Variants in CACNA2D1 observed in about 807,000 individuals in gnomAD.
The protein encoded by CACNA2D1 is voltage-dependent calcium channel subunit alpha-2/delta-1.
CACNA2D1 carries 53 observed loss-of-function variants against 171.5 expected under a neutral mutation model. The observed-to-expected ratio is 0.31, with a 90% CI of 0.25 to 0.39. The LOEUF is 0.39. Among genes scored for constraint, CACNA2D1 ranks in the 10% least tolerant of loss-of-function variants. The pLI is 1.00. For synonymous variants in CACNA2D1, 442 were observed against 443.1 expected, an observed-to-expected ratio of 1.00 and a Z score of 0.03; for missense variants, 903 against 1,299.8, an observed-to-expected ratio of 0.69 and a Z score of 4.69.
intron 1 of CACNA2D1, among the ~76,000 whole-genome samples, chr7:82,386,086 T>C (rs1824328428): frequency 6.6e-6 from 1 of 152,218 alleles, no homozygotes; most frequent in Admixed American, 6.5e-5. Context: ...TTTTGGTTCT[T>C]GGAATGACTA....
chr7:82,037,134 A>T (rs1803373909), intron 11 of CACNA2D1, among the ~76,000 whole-genome samples: 1 of 152,186 alleles, frequency 6.6e-6, no homozygotes, highest in African/African-American at 2.4e-5. Flanking sequence ...AAGTAACTCA[A>T]AGTGAAATAG....
Position 82,265,416 on chromosome 7 carries a change from C to CTTTTTT in CACNA2D1, c.294+69713_294+69718dup, listed in dbSNP as rs765047961. 1.5e-3 allele frequency among the ~76,000 whole-genome samples: 116 copies of CTTTTTT among 77,226 alleles called. 7 individuals are homozygous for CTTTTTT. In the Middle Eastern group the frequency reaches 0.037, roughly 24 times the overall value. The allele number at this position is 77,226 out of a possible 152,430, so 50.7% of individuals were successfully genotyped here. On this transcript the variant is annotated intron_variant, in intron 3 of 38. Transcript: ENST00000356860. ...TATGCATATTAACAATTTTTCCTTT[C>CTTTTTT]TTTTTTTTTTTTTTTTTTTTTGGTG...
intron 7 of CACNA2D1, among the ~76,000 whole-genome samples, chr7:82,073,081 C>A (rs1808517655): frequency 6.6e-6 from 1 of 152,120 alleles, no homozygotes; most frequent in African/African-American, 2.4e-5. Flanking sequence ...GCTGGTGTTA[C>A]ACAGTCAATA....
intron 4 of CACNA2D1, among the ~76,000 whole-genome samples, chr7:82,142,166 A>G (rs1021810697): frequency 6.6e-6 from 1 of 152,202 alleles, no homozygotes; most frequent in African/African-American, 2.4e-5. Flanking sequence ...TCATAATTTA[A>G]GCGCCACCAG....
chr7:82,103,283 C>T (rs1391951447), intron 6 of CACNA2D1, among the ~76,000 whole-genome samples: 2 of 152,024 alleles, frequency 1.3e-5, no homozygotes, highest in Non-Finnish European at 2.9e-5. Flanking sequence ...GTGACAGAAC[C>T]AGACTCCATT....
Position 82,297,072 on chromosome 7 carries a change from C to CAAAAAAAAAAAAAAAAAAAAAA in CACNA2D1, c.294+38041_294+38062dup, listed in dbSNP as rs57473351. 1.2e-4 allele frequency among the ~76,000 whole-genome samples: 9 copies of CAAAAAAAAAAAAAAAAAAAAAA among 72,240 alleles called. 1 individual carries two copies. The highest frequency in any genetic ancestry group is 1.7e-4 in the Non-Finnish European group (7 of 40,438). The allele number at this position is 72,240 out of a possible 152,430, so 47.4% of individuals were successfully genotyped here. A position where few individuals can be genotyped will look rare whatever the true frequency, so the allele number is the denominator to read the frequency against. ...AAACATAGTGAGGCTCTGTGTCTAC[C>CAAAAAAAAAAAAAAAAAAAAAA]AAAAAAAAAAAAAAAAAAAAAAAAA... is the stretch of plus-strand genomic sequence containing the variant. On this transcript the variant is annotated intron_variant, in intron 3 of 38. Coordinates refer to ENST00000356860, the MANE Select transcript of CACNA2D1 (RefSeq NM_000722.4).
In CACNA2D1 at chr7:82,181,041, A is replaced by ATTTTTT. The variant is rs71093367; in HGVS notation, c.295-10438_295-10433dup. ...GGTCAGCAGCTGTGGGGCATGTCGG[A>ATTTTTT]TTTTTTTTTTTTTTTTTTTTTTTTT... On this transcript the variant is annotated intron_variant, in intron 3 of 38. Transcript: ENST00000356860. 1.9e-3 allele frequency among the ~76,000 whole-genome samples: 26 copies of ATTTTTT among 13,936 alleles called. 8 individuals carry two copies. Among genetic ancestry groups the ATTTTTT allele is most frequent in the African/African-American group, 2.6e-3 (11 of 4,156 alleles). The allele number at this position is 13,936 out of a possible 152,430, so 9.1% of individuals were successfully genotyped here. A position where few individuals can be genotyped will look rare whatever the true frequency, so the allele number is the denominator to read the frequency against.
At chr7:81,969,678 CTGTT>C (rs141150232) in intron 28 of CACNA2D1, among the ~76,000 whole-genome samples, 199 bp downstream of exon 28, 26 of 151,304 alleles carry the variant, frequency 1.7e-4, no homozygotes, top group East Asian at 3.9e-4. Context: ...TACTGGAAGA[CTGTT>C]TGCTGTGTAT....
rs533946158 is a variant in CACNA2D1, at chr7:82,395,891, G to A, written c.96-46242C>T. ...ATCATTGGCATAAAAAAAATAAAAT[G>A]GGCATAAAACACATTCCCAACATTT... On this transcript the variant is annotated intron_variant, in intron 1 of 38. Transcript: ENST00000356860. 1.4e-4 allele frequency among the ~76,000 whole-genome samples: 21 copies of A among 152,196 alleles called. No individual in the cohort carries two copies. In the South Asian group the frequency reaches 4.4e-3, roughly 32 times the overall value.
chr7:81,983,576 T>A lies in CACNA2D1; in HGVS notation c.1874-242A>T, dbSNP rs534625538. Among the ~76,000 whole-genome samples, 65 of 152,226 alleles carry A rather than the reference T, an allele frequency of 4.3e-4. No homozygotes were observed. In the Middle Eastern group the frequency reaches 0.017, roughly 40 times the overall value. ...CTCTGTACTGTGGTTATTTCAAGGGTCTGTTTTGCAAAGTGATTAATGCAG... is the reference window on the plus strand; with the variant it reads ...CTCTGTACTGTGGTTATTTCAAGGGACTGTTTTGCAAAGTGATTAATGCAG... On this transcript the variant is annotated intron_variant, in intron 22 of 38. Coordinates refer to ENST00000356860, the MANE Select transcript of CACNA2D1 (RefSeq NM_000722.4).
At chr7:82,180,705 A>G (rs950333541) in intron 3 of CACNA2D1, among the ~76,000 whole-genome samples, 1 of 152,126 alleles carries the variant, frequency 6.6e-6, no homozygotes, top group Non-Finnish European at 1.5e-5. Flanking sequence ...TGGAGGTGAA[A>G]CTAAAATGCA....
chr7:82,126,283 G>A (rs1197928745), intron 5 of CACNA2D1, among the ~76,000 whole-genome samples: 1 of 152,102 alleles, frequency 6.6e-6, no homozygotes, highest in African/African-American at 2.4e-5. Context: ...TACAGCAATT[G>A]TACATGTATG....
intron 16 of CACNA2D1, among the ~76,000 whole-genome samples, chr7:82,007,334 T>G (rs933979527): frequency 6.6e-6 from 1 of 152,190 alleles, no homozygotes; most frequent in African/African-American, 2.4e-5. Context: ...GGTCTTTGGA[T>G]TTTTCTTTCT....
At position 82,230,908 on chromosome 7, in the gene CACNA2D1, T is replaced by C. The variant is rs187154916; in HGVS notation, c.295-60299A>G. On this transcript the variant is annotated intron_variant, in intron 3 of 38. Coordinates refer to ENST00000356860, the MANE Select transcript of CACNA2D1 (RefSeq NM_000722.4). ...CTAAGCATGACAAACTTCTCCCTTATATAAGCTGCTTGAGGCAGGCGCCAA... is the reference window on the plus strand; with the variant it reads ...CTAAGCATGACAAACTTCTCCCTTACATAAGCTGCTTGAGGCAGGCGCCAA... Among the ~76,000 whole-genome samples the C allele has an allele frequency of 2.0e-3, 307 of 152,340 alleles. 6 individuals are homozygous for C. The South Asian group carries it at 0.044, about 22-fold the overall frequency.
intron 1 of CACNA2D1, among the ~76,000 whole-genome samples, chr7:82,369,649 A>G (rs1392965801): frequency 1.3e-5 from 2 of 152,144 alleles, no homozygotes; most frequent in African/African-American, 4.8e-5. Context: ...TAAAATATTG[A>G]TAAGTCAAAT....
chr7:82,115,344 CAAA>C (rs761287928), intron 6 of CACNA2D1, among the ~76,000 whole-genome samples: 1 of 151,736 alleles, frequency 6.6e-6, no homozygotes, highest in African/African-American at 2.4e-5. Context: ...AGAATAATGA[CAAA>C]AACAATTACA....
chr7:81,971,038 C>A, intron 26 of CACNA2D1: 1 of 311,966 alleles, frequency 3.2e-6, no homozygotes, highest in Non-Finnish European at 6.0e-6. Context: ...TAAGGGAAAG[C>A]TACCAGAGAT....
chr7:82,343,862 C>T (rs370130109), intron 2 of CACNA2D1, among the ~76,000 whole-genome samples: 9 of 152,134 alleles, frequency 5.9e-5, no homozygotes, highest in East Asian at 3.8e-4. Flanking sequence ...TAACCCCAAA[C>T]GACCTAAATA....
chr7:82,134,074 G>GAA (rs953826896), intron 5 of CACNA2D1, among the ~76,000 whole-genome samples: 29 of 142,292 alleles, frequency 2.0e-4, no homozygotes, highest in African/African-American at 6.7e-4. Context: ...GTCTGTCTCG[G>GAA]AAAAAAAAAA....
Sources: gnomAD v4.1 joint callset for allele counts (sites outside exome capture counted in the v4.1 genomes callset) on GRCh38, gnomAD v4.1.1 for gene constraint, MANE v1.5 for transcripts, NCBI Gene and HGNC (gene_info 2026-07-23, HGNC 2026-07-21) for gene names.